SUGCT: variants seen among roughly 807,000 people sequenced by gnomAD.
The protein encoded by SUGCT is succinyl-CoA:glutarate CoA-transferase.
In SUGCT, 41 loss-of-function variants were observed where a neutral mutation model predicts 55.0. That is an observed-to-expected ratio of 0.74 (90% CI 0.58 to 0.97). The LOEUF is 0.97. Among genes scored for constraint, SUGCT ranks in the 50% least tolerant of loss-of-function variants. The pLI, the probability that SUGCT is intolerant of heterozygous loss-of-function variation, is 0.00. For missense variants in SUGCT, 568 were observed against 547.8 expected, an observed-to-expected ratio of 1.04 and a Z score of -0.37; for synonymous variants, 187 against 200.4, an observed-to-expected ratio of 0.93 and a Z score of 0.56.
At chr7:41,016,717 T>C in the SUGCT span, among the ~76,000 whole-genome samples, 27 of 152,326 alleles carry the variant, frequency 1.8e-4, no homozygotes, top group African/African-American at 6.0e-4. Context: ...ATTGTCTAGA[T>C]AAGATGCCTT....
At chr7:40,926,533 T>C in the SUGCT span, among the ~76,000 whole-genome samples, 6 of 152,184 alleles carry the variant, frequency 3.9e-5, no homozygotes, top group African/African-American at 1.4e-4. Flanking sequence ...CAAATGTTTG[T>C]ATCACCCCAA....
intron 12 of SUGCT, among the ~76,000 whole-genome samples, chr7:40,692,295 C>T (rs1484892907): frequency 6.6e-6 from 1 of 152,142 alleles, no homozygotes; most frequent in Non-Finnish European, 1.5e-5. Flanking sequence ...TCTATAAAAA[C>T]TACAGTGAAG....
At chr7:40,161,538 G>C (rs2150645132) in intron 1 of SUGCT, among the ~76,000 whole-genome samples, 1 of 152,298 alleles carries the variant, frequency 6.6e-6, no homozygotes, top group African/African-American at 2.4e-5. Context: ...TACTTTGCCA[G>C]TTTTCCCCTG....
chr7:40,880,191 TTTA>T, the SUGCT span, among the ~76,000 whole-genome samples: 1 of 152,234 alleles, frequency 6.6e-6, no homozygotes, highest in Non-Finnish European at 1.5e-5. Context: ...TATTGTTTGA[TTTA>T]TTCTTTTATG....
the SUGCT span, among the ~76,000 whole-genome samples, chr7:40,955,095 T>G: frequency 6.6e-6 from 1 of 152,194 alleles, no homozygotes; most frequent in African/African-American, 2.4e-5. Context: ...TTGTTCTTTT[T>G]GCTTAGGATT....
chr7:40,191,380 C>T (rs1785899930), intron 5 of SUGCT, among the ~76,000 whole-genome samples: 1 of 152,170 alleles, frequency 6.6e-6, no homozygotes, highest in East Asian at 1.9e-4. Flanking sequence ...GCTTTATGTT[C>T]TCTGTCTCAG....
At chr7:40,220,548 T>A (rs1787963681) in intron 6 of SUGCT, among the ~76,000 whole-genome samples, 1 of 152,096 alleles carries the variant, frequency 6.6e-6, no homozygotes, top group Non-Finnish European at 1.5e-5. Flanking sequence ...CATGTGGAGG[T>A]GACAAAATCT....
intron 8 of SUGCT, among the ~76,000 whole-genome samples, chr7:40,299,951 A>T (rs993179570): frequency 2.0e-5 from 3 of 152,192 alleles, no homozygotes; most frequent in African/African-American, 7.2e-5. Flanking sequence ...AACAGCCAGT[A>T]TACTTGGAAT....
intron 12 of SUGCT, among the ~76,000 whole-genome samples, chr7:40,533,152 A>G (rs1307496929): frequency 5.9e-5 from 9 of 152,214 alleles, no homozygotes; most frequent in Admixed American, 5.9e-4. Context: ...ACAGAAATGT[A>G]TAAAGGTGAT....
chr7:40,944,808 CA>C, the SUGCT span, among the ~76,000 whole-genome samples: 1 of 151,970 alleles, frequency 6.6e-6, no homozygotes, highest in South Asian at 2.1e-4. Context: ...CATATGGAAC[CA>C]AAAAAGAAGA....
At chr7:41,028,383 C>T in the SUGCT span, among the ~76,000 whole-genome samples, 44,074 of 152,112 alleles carry the variant, frequency 0.29, 7,535 homozygotes, top group Admixed American at 0.43. Flanking sequence ...CATCACTGGC[C>T]GTCCCAAGTG....
At chr7:40,399,185 A>G (rs1405195489) in intron 9 of SUGCT, among the ~76,000 whole-genome samples, 3 of 152,212 alleles carry the variant, frequency 2.0e-5, no homozygotes, top group African/African-American at 4.8e-5. Context: ...TGGTATTTAT[A>G]CTAATTTCTT....
chr7:40,865,293 T>G (rs1794560408), downstream of SUGCT, among the ~76,000 whole-genome samples: 1 of 152,172 alleles, frequency 6.6e-6, no homozygotes, highest in Admixed American at 6.5e-5. Flanking sequence ...AATAGGACTT[T>G]CTCAGTCTTT....
At chr7:40,933,182 T>A in the SUGCT span, among the ~76,000 whole-genome samples, 1 of 152,174 alleles carries the variant, frequency 6.6e-6, no homozygotes, top group Non-Finnish European at 1.5e-5. Flanking sequence ...TTATTTCTCC[T>A]TCACTTAGGA....
At chr7:40,664,610 A>ACAAG (rs1801507218) in intron 12 of SUGCT, among the ~76,000 whole-genome samples, 2 of 152,230 alleles carry the variant, frequency 1.3e-5, no homozygotes, top group African/African-American at 4.8e-5. Context: ...ATAACTGGGA[A>ACAAG]CAAGCATCTT....
At chr7:40,560,194 A>C (rs1053105105) in intron 12 of SUGCT, among the ~76,000 whole-genome samples, 1 of 152,218 alleles carries the variant, frequency 6.6e-6, no homozygotes, top group African/African-American at 2.4e-5. Context: ...GGTTTATCAC[A>C]TGAGTGTTTA....
At chr7:40,493,703 A>G (rs1791819254) in intron 11 of SUGCT, among the ~76,000 whole-genome samples, 1 of 152,206 alleles carries the variant, frequency 6.6e-6, no homozygotes, top group South Asian at 2.1e-4. Context: ...ATCTGAGGAC[A>G]TTCTTTTTGT....
intron 13 of SUGCT, among the ~76,000 whole-genome samples, chr7:40,813,467 T>C (rs551251055): frequency 2.0e-3 from 306 of 152,314 alleles, no homozygotes; most frequent in South Asian, 7.7e-3. Context: ...ATGTAATGCC[T>C]GTCTTTGTCC....
the SUGCT span, among the ~76,000 whole-genome samples, chr7:40,934,703 C>T: frequency 5.9e-5 from 9 of 152,290 alleles, no homozygotes; most frequent in South Asian, 4.1e-4. Context: ...CAGACTGCTG[C>T]GCTAGCAGTG....
Sources: allele counts gnomAD v4.1 joint callset (sites outside exome capture counted in the v4.1 genomes callset), GRCh38; gene constraint gnomAD v4.1.1; transcripts MANE v1.5; gene names NCBI Gene and HGNC (gene_info 2026-07-23, HGNC 2026-07-21).